The following RORB variants were observed in gnomAD, a reference collection of about 807,000 sequenced individuals.
RORB encodes RAR related orphan receptor B, also known as nuclear receptor ROR-beta.
Under a neutral mutation model 59.1 loss-of-function variants are expected in RORB, and 6 were observed. The observed-to-expected ratio is 0.10, with a 90% CI of 0.06 to 0.20. The LOEUF is 0.20. Ranked by LOEUF, RORB falls within the 10% of genes least tolerant of loss-of-function variation. The pLI is 1.00. For missense variants in RORB, 320 were observed against 560.5 expected (o/e 0.57, Z 4.33); for synonymous variants, 215 against 204.5 (o/e 1.05, Z -0.44).
intron 3 of RORB, among the ~76,000 whole-genome samples, chr9:74,642,061 G>A (rs1015258580): frequency 3.9e-5 from 6 of 152,244 alleles, no homozygotes; most frequent in South Asian, 2.1e-4. Flanking sequence ...TTTTAATAGC[G>A]GGTACTATTG....
chr9:74,554,910 T>C (rs1261246278), intron 1 of RORB, among the ~76,000 whole-genome samples: 2 of 152,184 alleles, frequency 1.3e-5, no homozygotes, highest in Non-Finnish European at 2.9e-5. Context: ...ACGATACAGT[T>C]ACCCCAGTGG....
At chr9:74,510,779 A>G (rs1425116427) in intron 1 of RORB, among the ~76,000 whole-genome samples, 1 of 152,222 alleles carries the variant, frequency 6.6e-6, no homozygotes, top group Non-Finnish European at 1.5e-5. Context: ...TATTTGATTT[A>G]TAAAAGGAGG....
rs193271711 is a variant in RORB, at chr9:74,657,830, C to A, written c.638-2787C>A. Reference sequence around the variant, plus strand: ...GACCAGCCTGGCCAAGGTGAGGAAACCCTGTCTCTACTAAAAATACAAAAA... The same window carrying A: ...GACCAGCCTGGCCAAGGTGAGGAAAACCTGTCTCTACTAAAAATACAAAAA... On this transcript the variant is annotated intron_variant, in intron 4 of 9. Transcript: ENST00000376896. Among the ~76,000 whole-genome samples the A allele has an allele frequency of 4.0e-3, 613 of 151,938 alleles. 11 individuals are homozygous for A. Among genetic ancestry groups the A allele is most frequent in the African/African-American group, 0.014 (595 of 41,452 alleles).
chr9:74,546,104 T>A (rs1465164235), intron 1 of RORB, among the ~76,000 whole-genome samples: 1 of 152,168 alleles, frequency 6.6e-6, no homozygotes, highest in African/African-American at 2.4e-5. Context: ...TGGCATCTGA[T>A]CAGTGGGGAT....
intron 1 of RORB, among the ~76,000 whole-genome samples, chr9:74,613,206 A>G (rs1036022625): frequency 1.2e-4 from 19 of 152,206 alleles, no homozygotes; most frequent in African/African-American, 4.6e-4. Context: ...AATATTAAGC[A>G]CTTTCACATT....
intron 4 of RORB, among the ~76,000 whole-genome samples, chr9:74,659,058 T>C (rs1335247249): frequency 1.3e-5 from 2 of 152,208 alleles, no homozygotes; most frequent in African/African-American, 2.4e-5. Flanking sequence ...TGTATCTCCA[T>C]TGGAGTCATC....
chr9:74,596,348 C>A (rs1037218366), intron 1 of RORB, among the ~76,000 whole-genome samples: 1 of 152,140 alleles, frequency 6.6e-6, no homozygotes, highest in Non-Finnish European at 1.5e-5. Context: ...GTCAGATAGC[C>A]TCTGTCATTA....
Position 74,537,558 on chromosome 9 carries a change from A to C in RORB, c.7+39575A>C, listed in dbSNP as rs142475257. ...ACACAAATAACATTTAATTTTATTC[A>C]TTCTGCTTCAAAAATAAGCATTTTA... On this transcript the variant is annotated intron_variant, in intron 1 of 9. Coordinates refer to ENST00000376896, the MANE Select transcript of RORB (RefSeq NM_006914.4). 1.9e-3 allele frequency among the ~76,000 whole-genome samples: 291 copies of C among 152,174 alleles called. 1 individual carries two copies. Among genetic ancestry groups the C allele is most frequent in the African/African-American group, 6.5e-3 (269 of 41,572 alleles).
chr9:74,559,796 T>A (rs1036321932), intron 1 of RORB, among the ~76,000 whole-genome samples: 2 of 152,188 alleles, frequency 1.3e-5, no homozygotes, highest in African/African-American at 2.4e-5. Flanking sequence ...GATGTAATAC[T>A]GTTATCCTCC....
intron 1 of RORB, among the ~76,000 whole-genome samples, chr9:74,619,848 G>A (rs1008722288): frequency 1.3e-5 from 2 of 152,212 alleles, no homozygotes; most frequent in African/African-American, 4.8e-5. Flanking sequence ...TACACTTATT[G>A]ATTTGTGTAT....
intron 3 of RORB, among the ~76,000 whole-genome samples, chr9:74,638,396 T>C (rs1373342288): frequency 6.6e-6 from 1 of 152,210 alleles, no homozygotes; most frequent in East Asian, 1.9e-4. Context: ...GGGATCAAAA[T>C]GAGGGTTAAG....
chr9:74,644,894 G>A (rs1043302276), intron 4 of RORB, among the ~76,000 whole-genome samples: 4 of 152,132 alleles, frequency 2.6e-5, no homozygotes, highest in African/African-American at 9.7e-5. Context: ...TCAGGTCTGC[G>A]TTACCCTGAA....
intron 1 of RORB, among the ~76,000 whole-genome samples, chr9:74,515,799 A>T (rs1385391263): frequency 6.6e-6 from 1 of 152,078 alleles, no homozygotes; most frequent in Non-Finnish European, 1.5e-5. Context: ...ATGAGTTAAA[A>T]AGATCAATAT....
intron 1 of RORB, among the ~76,000 whole-genome samples, chr9:74,535,750 T>C (rs773895720): frequency 1.9e-4 from 29 of 151,896 alleles, no homozygotes; most frequent in Non-Finnish European, 4.0e-4. Context: ...CAGAAAAAAA[T>C]TGGGGAATTG....
chr9:74,606,217 T>C (rs757829195), intron 1 of RORB, among the ~76,000 whole-genome samples: 5 of 152,216 alleles, frequency 3.3e-5, no homozygotes, highest in Non-Finnish European at 5.9e-5. Flanking sequence ...TTTAATTCTA[T>C]GGACCCTGGA....
intron 1 of RORB, among the ~76,000 whole-genome samples, chr9:74,501,096 C>T (rs936654402): frequency 5.3e-5 from 8 of 151,974 alleles, no homozygotes; most frequent in Non-Finnish European, 1.2e-4. Context: ...TACACAGGGG[C>T]GCGGAAATGG....
chr9:74,516,606 G>C (rs576283814), intron 1 of RORB, among the ~76,000 whole-genome samples: 41 of 151,982 alleles, frequency 2.7e-4, no homozygotes, highest in African/African-American at 9.4e-4. Context: ...AATGATTTAG[G>C]GGTCACTGAA....
intron 1 of RORB, among the ~76,000 whole-genome samples, chr9:74,614,628 T>A (rs1482769678): frequency 2.0e-5 from 3 of 151,914 alleles, no homozygotes; most frequent in African/African-American, 7.3e-5. Flanking sequence ...TTGTGATAAG[T>A]GATTAGTGGA....
At chr9:74,580,546 G>C (rs753386473) in intron 1 of RORB, among the ~76,000 whole-genome samples, 88 of 152,240 alleles carry the variant, frequency 5.8e-4, no homozygotes, top group Non-Finnish European at 8.5e-4. Flanking sequence ...AGATTAGAGA[G>C]ACTACCACTT....
Sources: gnomAD v4.1 joint callset for allele counts (sites outside exome capture counted in the v4.1 genomes callset) on GRCh38, gnomAD v4.1.1 for gene constraint, MANE v1.5 for transcripts, NCBI Gene and HGNC (gene_info 2026-07-23, HGNC 2026-07-21) for gene names.